The following CSMD1 variants were observed in gnomAD, a reference collection of about 807,000 sequenced individuals.
The protein encoded by CSMD1 is CUB and sushi domain-containing protein 1.
In CSMD1, 213 loss-of-function variants were observed where a neutral mutation model predicts 417.5. That is an observed-to-expected ratio of 0.51 (90% CI 0.46 to 0.57). The LOEUF is 0.57. Among genes scored for constraint, CSMD1 ranks in the 20% least tolerant of loss-of-function variants. The probability of loss-of-function intolerance (pLI) is 0.00; values close to 1 mark genes in which losing one functional copy is unlikely to be tolerated. For missense variants in CSMD1, 6,923 were observed against 4,529.7 expected (o/e 1.53, Z -15.17); for synonymous variants, 2,862 against 1,736.8 (o/e 1.65, Z -16.11).
chr8:3,943,803 G>C (rs113287888), intron 5 of CSMD1, among the ~76,000 whole-genome samples: 2 of 152,020 alleles, frequency 1.3e-5, no homozygotes, highest in Non-Finnish European at 2.9e-5. Context: ...AAAATAATTG[G>C]CCCTTACTCT....
At chr8:3,280,160 G>C (rs1172671315) in intron 26 of CSMD1, among the ~76,000 whole-genome samples, 2 of 152,016 alleles carry the variant, frequency 1.3e-5, no homozygotes, top group Non-Finnish European at 2.9e-5. Context: ...CTTCTTATTG[G>C]AATAACCCAA....
chr8:3,573,921 T>C (rs1029642397), intron 10 of CSMD1, among the ~76,000 whole-genome samples: 1 of 152,140 alleles, frequency 6.6e-6, no homozygotes, highest in Non-Finnish European at 1.5e-5. Context: ...ATGTCTACCT[T>C]ATTTTTTCTT....
intron 6 of CSMD1, among the ~76,000 whole-genome samples, chr8:3,747,758 G>A (rs566404096): frequency 7.6e-4 from 116 of 151,820 alleles, no homozygotes; most frequent in Non-Finnish European, 1.4e-3. Flanking sequence ...TAAAACGGTC[G>A]TATCAATTCA....
intron 23 of CSMD1, among the ~76,000 whole-genome samples, chr8:3,319,268 A>C (rs970367210): frequency 6.6e-6 from 1 of 152,222 alleles, no homozygotes; most frequent in Non-Finnish European, 1.5e-5. Flanking sequence ...GCATTTGATT[A>C]ACTAGTGTTG....
intron 5 of CSMD1, among the ~76,000 whole-genome samples, chr8:3,769,017 G>A (rs1003904634): frequency 6.6e-6 from 1 of 152,232 alleles, no homozygotes; most frequent in Non-Finnish European, 1.5e-5. Flanking sequence ...ACCTGGGGAG[G>A]GCGTTAGTTG....
At chr8:3,579,609 A>G (rs1012897722) in intron 9 of CSMD1, among the ~76,000 whole-genome samples, 1 of 152,176 alleles carries the variant, frequency 6.6e-6, no homozygotes, top group Non-Finnish European at 1.5e-5. Context: ...AATGAAGATA[A>G]TATATCACAG....
At position 3,749,676 on chromosome 8, in the gene CSMD1, T is replaced by C. The variant is rs1019716531; in HGVS notation, c.931+4254A>G. Among the ~76,000 whole-genome samples the C allele has an allele frequency of 4.6e-5, 7 of 152,230 alleles. No individual in the cohort carries two copies. The South Asian group carries it at 6.2e-4, about 13-fold the overall frequency. On this transcript the variant is annotated intron_variant, in intron 6 of 69. Coordinates refer to ENST00000635120, the MANE Select transcript of CSMD1 (RefSeq NM_033225.6). ...CGCTGGAAAACAAAGAAGTTTCTCATAGAAAGAGACCACCAGTGGGCTGAT... is the reference window on the plus strand; with the variant it reads ...CGCTGGAAAACAAAGAAGTTTCTCACAGAAAGAGACCACCAGTGGGCTGAT...
intron 5 of CSMD1, among the ~76,000 whole-genome samples, chr8:3,837,858 T>G (rs952329492): frequency 2.6e-5 from 4 of 152,174 alleles, no homozygotes; most frequent in African/African-American, 7.2e-5. Flanking sequence ...CACAGCTTCA[T>G]TCCAACCTCA....
rs117440513 is a variant in CSMD1, at chr8:3,299,782, T to C, written c.3950+7913A>G. On this transcript the variant is annotated intron_variant, in intron 25 of 69. Coordinates refer to ENST00000635120, the MANE Select transcript of CSMD1 (RefSeq NM_033225.6). Reference sequence around the variant, plus strand: ...AACATAGGAAAGGTATAAACAGATATAACCAATAAAATGTTTGGAATATTT... The same window carrying C: ...AACATAGGAAAGGTATAAACAGATACAACCAATAAAATGTTTGGAATATTT... Among the ~76,000 whole-genome samples the C allele has an allele frequency of 1.6e-4, 24 of 152,282 alleles. 3 individuals are homozygous for C. In the South Asian group the frequency reaches 3.9e-3, roughly 25 times the overall value.
intron 9 of CSMD1, among the ~76,000 whole-genome samples, chr8:3,582,091 G>A (rs1800406955): frequency 6.6e-6 from 1 of 152,164 alleles, no homozygotes; most frequent in Admixed American, 6.5e-5. Context: ...CACCGCGCTG[G>A]CCAATGCTGT....
intron 2 of CSMD1, among the ~76,000 whole-genome samples, chr8:4,435,143 ATATAT>A (rs1256728801): frequency 6.6e-6 from 1 of 152,194 alleles, no homozygotes; most frequent in African/African-American, 2.4e-5. Context: ...AGTATCAGTA[ATATAT>A]TATTTTTATA....
At chr8:3,870,973 ATAAGT>A (rs1379272456) in intron 5 of CSMD1, among the ~76,000 whole-genome samples, 4 of 151,050 alleles carry the variant, frequency 2.6e-5, no homozygotes, top group East Asian at 1.9e-4. Context: ...ATTCTTAAAT[ATAAGT>A]TAATTTTTTC....
rs34717541 is a variant in CSMD1 at position 3,732,043 on chromosome 8, CA to C, written c.931+21886del. ...ATGCATGCTCTCCACATTTTTTAGA[CA>C]AAAAAAATGCTCCATTCCTATGACC... On this transcript the variant is annotated intron_variant, in intron 6 of 69. Transcript: ENST00000635120. Among the ~76,000 whole-genome samples the C allele has an allele frequency of 2.7e-3, 414 of 151,594 alleles. 3 individuals carry two copies. The highest frequency in any genetic ancestry group is 9.6e-3 in the African/African-American group (396 of 41,322).
intron 17 of CSMD1, among the ~76,000 whole-genome samples, chr8:3,394,829 A>C (rs1811589387): frequency 1.3e-5 from 2 of 152,176 alleles, no homozygotes; most frequent in African/African-American, 4.8e-5. Context: ...CTTTGGAGCA[A>C]ATGTTGTATA....
chr8:2,977,985 A>G (rs1247676002), intron 55 of CSMD1, among the ~76,000 whole-genome samples: 2 of 152,224 alleles, frequency 1.3e-5, no homozygotes, highest in Non-Finnish European at 2.9e-5. Flanking sequence ...TGGAATGTAA[A>G]TTAGTTGAAT....
chr8:3,166,185 C>T (rs567816094), intron 37 of CSMD1, among the ~76,000 whole-genome samples: 27 of 151,978 alleles, frequency 1.8e-4, no homozygotes, highest in Middle Eastern at 3.4e-3. Context: ...GAATCATGTA[C>T]TTTAAAAAAA....
chr8:4,507,909 G>C (rs1802611414), intron 2 of CSMD1, among the ~76,000 whole-genome samples: 1 of 152,046 alleles, frequency 6.6e-6, no homozygotes, highest in African/African-American at 2.4e-5. Flanking sequence ...AAGATATTTG[G>C]AATTATGTGA....
At chr8:4,311,747 T>C (rs10108989) in intron 3 of CSMD1, among the ~76,000 whole-genome samples, 1 of 141,876 alleles carries the variant, frequency 7.0e-6, no homozygotes, top group Non-Finnish European at 1.5e-5. Flanking sequence ...AAAAGTAGAA[T>C]CTAAATTATG....
intron 1 of CSMD1, among the ~76,000 whole-genome samples, chr8:4,791,757 T>C (rs1423038222): frequency 6.6e-6 from 1 of 152,210 alleles, no homozygotes; most frequent in Non-Finnish European, 1.5e-5. Context: ...TTTCCTTCAT[T>C]AGCATCGTGT....
Sources: allele counts gnomAD v4.1 joint callset (sites outside exome capture counted in the v4.1 genomes callset), GRCh38; gene constraint gnomAD v4.1.1; transcripts MANE v1.5; gene names NCBI Gene and HGNC (gene_info 2026-07-23, HGNC 2026-07-21).